Variants in DPP10 observed in about 807,000 individuals in gnomAD.
DPP10 encodes the protein dipeptidyl peptidase like 10.
A neutral mutation model predicts 120.9 loss-of-function variants in DPP10; 33 were observed. The observed-to-expected ratio is 0.27, with a 90% CI of 0.21 to 0.37. The LOEUF (loss-of-function observed/expected upper bound fraction) is 0.37. Among genes scored for constraint, DPP10 ranks in the 10% least tolerant of loss-of-function variants. The probability of loss-of-function intolerance (pLI) is 1.00; values close to 1 mark genes in which losing one functional copy is unlikely to be tolerated. For missense variants in DPP10, 816 were observed against 942.8 expected, an observed-to-expected ratio of 0.87 and a Z score of 1.76; for synonymous variants, 337 against 326.1, an observed-to-expected ratio of 1.03 and a Z score of -0.36.
chr2:115,423,465 CAT>C (rs551383354), intron 3 of DPP10, among the ~76,000 whole-genome samples: 119 of 152,188 alleles, frequency 7.8e-4, no homozygotes, highest in African/African-American at 2.8e-3. Flanking sequence ...GTGAATAAAA[CAT>C]AGTCAGATCT....
At chr2:115,160,961 G>C (rs897299837) in intron 1 of DPP10, 5 of 152,392 alleles carry the variant, frequency 3.3e-5, no homozygotes, top group Admixed American at 3.3e-4. Context: ...TTGAATGGGA[G>C]AGGGTTGTGT....
At chr2:115,468,186 A>G (rs1307953899) in intron 3 of DPP10, 2 of 493,014 alleles carry the variant, frequency 4.1e-6, no homozygotes, top group Non-Finnish European at 8.1e-6. Flanking sequence ...AGGAAAAGTG[A>G]TGGCATCTAT....
intron 1 of DPP10, among the ~76,000 whole-genome samples, chr2:115,207,478 G>A (rs937630821): frequency 7.4e-5 from 10 of 134,440 alleles, no homozygotes; most frequent in Non-Finnish European, 1.4e-4. Flanking sequence ...TTTTAAAACC[G>A]TTTAGTCAAA....
At chr2:114,672,189 A>G (rs192392224) in intron 1 of DPP10, among the ~76,000 whole-genome samples, 12 of 152,274 alleles carry the variant, frequency 7.9e-5, no homozygotes, top group Non-Finnish European at 1.5e-4. Context: ...CCTACCCTAG[A>G]TCAATTACAT....
intron 7 of DPP10, among the ~76,000 whole-genome samples, chr2:115,702,965 C>A (rs1418767915): frequency 6.6e-6 from 1 of 151,874 alleles, no homozygotes; most frequent in Non-Finnish European, 1.5e-5. Flanking sequence ...TCTTTTTAAA[C>A]AAATGTAGCC....
intron 1 of DPP10, among the ~76,000 whole-genome samples, chr2:114,576,706 C>A (rs1239260042): frequency 6.6e-6 from 1 of 152,154 alleles, no homozygotes; most frequent in East Asian, 1.9e-4. Flanking sequence ...AATTAGCACA[C>A]CACTCCTTCC....
At chr2:114,525,731 T>G (rs1334416780) in intron 1 of DPP10, among the ~76,000 whole-genome samples, 1 of 152,234 alleles carries the variant, frequency 6.6e-6, no homozygotes, top group Admixed American at 6.5e-5. Flanking sequence ...GGAAGATGAC[T>G]AAACCATTTC....
At chr2:115,651,832 T>C (rs1161277154) in intron 5 of DPP10, among the ~76,000 whole-genome samples, 1 of 152,056 alleles carries the variant, frequency 6.6e-6, no homozygotes, top group Non-Finnish European at 1.5e-5. Flanking sequence ...ATTTTTATTG[T>C]TTTTACCAAC....
intron 1 of DPP10, among the ~76,000 whole-genome samples, chr2:114,511,295 A>G (rs17048467): frequency 0.042 from 6,421 of 152,244 alleles, 239 homozygotes; most frequent in African/African-American, 0.093. Context: ...AATCAATGTG[A>G]CTCCAAGAAA....
intron 1 of DPP10, among the ~76,000 whole-genome samples, chr2:114,755,131 C>A (rs374355834): frequency 1.3e-5 from 2 of 152,156 alleles, no homozygotes; most frequent in African/African-American, 4.8e-5. Context: ...GCTGTTTAAA[C>A]AAGTATAAAG....
chr2:114,957,382 A>G (rs1224845731), intron 1 of DPP10, among the ~76,000 whole-genome samples: 3 of 152,144 alleles, frequency 2.0e-5, no homozygotes, highest in Non-Finnish European at 4.4e-5. Context: ...GGGAAATGCA[A>G]ATCAAAACCG....
At chr2:114,518,234 C>T (rs991647788) in intron 1 of DPP10, among the ~76,000 whole-genome samples, 7 of 151,956 alleles carry the variant, frequency 4.6e-5, no homozygotes, top group African/African-American at 1.5e-4. Context: ...CCCACCACCA[C>T]GCCTGGCTAA....
intron 3 of DPP10, among the ~76,000 whole-genome samples, chr2:115,420,578 T>A (rs916724113): frequency 3.3e-5 from 5 of 152,194 alleles, no homozygotes; most frequent in African/African-American, 1.2e-4. Context: ...TGAGTGATCC[T>A]AAAAATATAA....
intron 3 of DPP10, among the ~76,000 whole-genome samples, chr2:115,402,854 A>ATATATATATATATATAT (rs1553584380): frequency 6.1e-5 from 6 of 97,662 alleles, no homozygotes; most frequent in African/African-American, 2.4e-4. Context: ...AAAAAAAAAA[A>ATATATATATATATATAT]ATATATATAT....
intron 1 of DPP10, among the ~76,000 whole-genome samples, chr2:114,972,498 CAA>C (rs1699463957): frequency 6.6e-6 from 1 of 152,128 alleles, no homozygotes; most frequent in Admixed American, 6.5e-5. Context: ...CCCTTATACA[CAA>C]AAAGACTTAT....
intron 1 of DPP10, among the ~76,000 whole-genome samples, chr2:114,549,218 T>G (rs1687668927): frequency 6.7e-6 from 1 of 149,876 alleles, no homozygotes; most frequent in African/African-American, 2.5e-5. Context: ...TTTCTCGGTG[T>G]CGTATGACCC....
chr2:114,492,331 A>AAAT (rs1682078017), intron 1 of DPP10, among the ~76,000 whole-genome samples: 1 of 152,164 alleles, frequency 6.6e-6, no homozygotes, highest in African/African-American at 2.4e-5. Context: ...AAAAGCCCCT[A>AAAT]GTGAAGACTG....
chr2:114,750,300 A>T (rs1004569603), intron 1 of DPP10, among the ~76,000 whole-genome samples: 28 of 151,986 alleles, frequency 1.8e-4, no homozygotes, highest in Non-Finnish European at 4.1e-4. Context: ...AGACCAGATT[A>T]ATCAGTATTT....
Position 115,836,757 on chromosome 2 carries a change from T to C in DPP10, c.2182+11T>C. On this transcript the variant is annotated intron_variant, in intron 24 of 25. Transcript: ENST00000410059. ...ATGGAACTGCTGACAGTAAGTATTA[T>C]ACTTGCCGCTGCTGTTTGATAGGGT... The C allele has an allele frequency of 6.2e-7, 1 of 1,608,608 alleles. No homozygotes were observed. The highest frequency in any genetic ancestry group is 8.5e-7 in the Non-Finnish European group (1 of 1,177,888).
Sources: gnomAD v4.1 joint callset for allele counts (sites outside exome capture counted in the v4.1 genomes callset) on GRCh38, gnomAD v4.1.1 for gene constraint, MANE v1.5 for transcripts, NCBI Gene and HGNC (gene_info 2026-07-23, HGNC 2026-07-21) for gene names.